HIVEP2: variants seen among roughly 807,000 people sequenced by gnomAD.
The protein encoded by HIVEP2 is HIVEP zinc finger 2.
HIVEP2 carries 14 observed loss-of-function variants against 180.7 expected under a neutral mutation model. The ratio of observed to expected loss-of-function variants is 0.08; its 90% CI spans 0.05 to 0.12. The LOEUF (loss-of-function observed/expected upper bound fraction) is 0.12, where lower values mean the gene tolerates loss of function less well. Ranked by LOEUF, HIVEP2 falls within the 10% of genes least tolerant of loss-of-function variation. The pLI, the probability that HIVEP2 is intolerant of heterozygous loss-of-function variation, is 1.00. For missense variants in HIVEP2, 2,579 were observed against 3,008.5 expected (o/e 0.86, Z 3.34); for synonymous variants, 1,184 against 1,136.4 (o/e 1.04, Z -0.84).
chr6:142,868,271 C>T (rs759693539), intron 1 of HIVEP2, among the ~76,000 whole-genome samples: 5 of 152,142 alleles, frequency 3.3e-5, no homozygotes, highest in East Asian at 1.9e-4. Flanking sequence ...ACTACAATAA[C>T]GGAACAAATA....
intron 1 of HIVEP2, among the ~76,000 whole-genome samples, chr6:142,883,395 T>C (rs998522732): frequency 1.3e-5 from 2 of 152,052 alleles, no homozygotes; most frequent in African/African-American, 2.4e-5. Context: ...TCAATTCAAA[T>C]AGTTCTTATA....
Position 142,761,669 on chromosome 6 carries a change from T to C in HIVEP2, c.5519-104A>G, listed in dbSNP as rs1401278804. On this transcript the variant is annotated intron_variant, in intron 7 of 9. Transcript: ENST00000367603. ...TGTGAAATGAACTAATTTTATTAAA[T>C]TCATCATGTAACACAGATTTGTTTC... The C allele has an allele frequency of 3.6e-5, 27 of 749,566 alleles. 2 individuals carry two copies. The South Asian group carries it at 3.9e-4, about 11-fold the overall frequency. The allele number at this position is 749,566 out of a possible 1,614,324, so 46.4% of individuals were successfully genotyped here.
At chr6:142,807,528 G>A (rs1042092067) in intron 2 of HIVEP2, among the ~76,000 whole-genome samples, 1 of 152,160 alleles carries the variant, frequency 6.6e-6, no homozygotes, top group Non-Finnish European at 1.5e-5. Context: ...TATAATGAGT[G>A]TGATATTTCA....
In HIVEP2 at chr6:142,752,879, C is replaced by A; in HGVS notation, c.*228G>T. The A allele has an allele frequency of 2.1e-6, 1 of 471,704 alleles. No individual in the cohort carries two copies. Among genetic ancestry groups the A allele is most frequent in the East Asian group, 3.3e-5 (1 of 30,452 alleles). The allele number at this position is 471,704 out of a possible 1,614,324, so 29.2% of individuals were successfully genotyped here. ...TAAAGAAAAGGCACAAACATCTGTACAATTTTAAAAGTACCAGACCCAATA... is the reference window on the plus strand; with the variant it reads ...TAAAGAAAAGGCACAAACATCTGTAAAATTTTAAAAGTACCAGACCCAATA... On this transcript the variant is annotated 3_prime_UTR_variant, in exon 10 of 10. Coordinates refer to ENST00000367603, the MANE Select transcript of HIVEP2 (RefSeq NM_006734.4).
intron 1 of HIVEP2, among the ~76,000 whole-genome samples, chr6:142,933,138 G>A (rs890172792): frequency 6.6e-6 from 1 of 152,152 alleles, no homozygotes; most frequent in East Asian, 1.9e-4. Flanking sequence ...ATGGGAACAG[G>A]TTGCACTAAA....
In HIVEP2 at chr6:142,752,315, C is replaced by T. The variant is rs1774942164; in HGVS notation, c.*792G>A. 1 of 152,600 alleles carries T rather than the reference C, an allele frequency of 6.6e-6. No individual in the cohort carries two copies. Among genetic ancestry groups the T allele is most frequent in the Non-Finnish European group, 1.5e-5 (1 of 68,042 alleles). 9.5% of individuals were successfully genotyped at this position (152,600 alleles called of 1,614,324 possible). ...ACTGATTTATAAAGCTTTGAAAAAA[C>T]TCACAATAGCACATTGTTTACTTTA... On this transcript the variant is annotated 3_prime_UTR_variant, in exon 10 of 10. Coordinates refer to ENST00000367603, the MANE Select transcript of HIVEP2 (RefSeq NM_006734.4).
Position 142,769,673 on chromosome 6 carries a change from G to A in HIVEP2, c.5066C>T (p.Thr1689Ile). 5 of 1,614,196 alleles carry A rather than the reference G, an allele frequency of 3.1e-6. No individual in the cohort carries two copies. Among genetic ancestry groups the A allele is most frequent in the Non-Finnish European group, 4.2e-6 (5 of 1,180,034 alleles). The change falls in exon 5 of 10, where the codon ACC becomes ATC. Residue 1689 changes from threonine (T) to isoleucine (I), a missense_variant. Physicochemically the swap from Thr to Ile is moderately conservative, Grantham distance 89. Coordinates refer to ENST00000367603, the MANE Select transcript of HIVEP2 (RefSeq NM_006734.4). ...CTTGGACCTCAGAAGAGCCAGCGTGGTCTTGGTGTTCAATCCTGATGGGTT... is the reference window on the plus strand; with the variant it reads ...CTTGGACCTCAGAAGAGCCAGCGTGATCTTGGTGTTCAATCCTGATGGGTT... Reference protein sequence around the residue: ...NPNPSGLNTKTTLALLRSKQK... With the variant: ...NPNPSGLNTKITLALLRSKQK...
chr6:142,818,982 C>A, intron 2 of HIVEP2, among the ~76,000 whole-genome samples: 1 of 112,320 alleles, frequency 8.9e-6, no homozygotes. Context: ...GAAGGAAGGA[C>A]AGAAGAAAGG....
At chr6:142,882,079 C>A (rs1396337799) in intron 1 of HIVEP2, among the ~76,000 whole-genome samples, 4 of 152,160 alleles carry the variant, frequency 2.6e-5, no homozygotes, top group Non-Finnish European at 1.5e-5. Flanking sequence ...AGGTCAGAGC[C>A]TTTCAGCTCC....
chr6:142,756,385 C>A (rs1562494884), intron 9 of HIVEP2, among the ~76,000 whole-genome samples: 1 of 152,152 alleles, frequency 6.6e-6, no homozygotes, highest in African/African-American at 2.4e-5. Context: ...TGCTGACATG[C>A]CAGCAGGAGG....
rs945272058 is a variant in HIVEP2, at chr6:142,760,114, A to G, written c.6174T>C (p.Asn2058=). 1.2e-6 allele frequency: 2 copies of G among 1,614,024 alleles called. No homozygotes were observed. The highest frequency in any genetic ancestry group is 2.2e-5 in the East Asian group (1 of 44,890). The change falls in exon 9 of 10, where the codon AAT becomes AAC. Residue 2058 remains asparagine, a synonymous_variant. Transcript: ENST00000367603. ...TGGGTATCAGATACCTCTTTGGTGA[A>G]TTATCTCGACAGGGTGAAGAATCAT... ...PGYDSSPCRD[N]SPKRYLIPKG... is the part of the protein sequence containing the mutation.
At position 142,775,137 on chromosome 6, in the gene HIVEP2, G is replaced by T; in HGVS notation, c.-387-12C>A. On this transcript the variant is annotated splice_polypyrimidine_tract_variant and intron_variant, in intron 4 of 9. Transcript: ENST00000367603. ...TAAGATAAAATGATCTGAAGAAAAA[G>T]AAAATACAAAGAGATTGTCATAACA... is the stretch of plus-strand genomic sequence containing the variant. 1 of 892,748 alleles carries T rather than the reference G, an allele frequency of 1.1e-6. No homozygotes were observed. The allele number at this position is 892,748 out of a possible 1,614,324, so 55.3% of individuals were successfully genotyped here. A position where few individuals can be genotyped will look rare whatever the true frequency, so the allele number is the denominator to read the frequency against.
intron 1 of HIVEP2, among the ~76,000 whole-genome samples, chr6:142,861,935 A>C (rs1005645573): frequency 6.6e-6 from 1 of 152,188 alleles, no homozygotes; most frequent in East Asian, 1.9e-4. Flanking sequence ...AAGATGGGGG[A>C]AATAGCTTGA....
At chr6:142,909,637 T>C (rs1171247437) in intron 1 of HIVEP2, among the ~76,000 whole-genome samples, 1 of 152,204 alleles carries the variant, frequency 6.6e-6, no homozygotes, top group Non-Finnish European at 1.5e-5. Context: ...AGGGTCATTA[T>C]CATAAACATA....
chr6:142,792,844 A>C (rs943570258), intron 2 of HIVEP2, among the ~76,000 whole-genome samples: 2 of 152,156 alleles, frequency 1.3e-5, no homozygotes, highest in African/African-American at 4.8e-5. Flanking sequence ...AAAGCATGAA[A>C]ATTTTTCTGT....
At position 142,875,638 on chromosome 6, in the gene HIVEP2, G is replaced by A. The variant is rs182692344; in HGVS notation, c.-640-38591C>T. ...GGAGAGAGAGCCAGAAGTACTTACT[G>A]GATTAAATGTGAGTCTGGGAGGAAG... On this transcript the variant is annotated intron_variant, in intron 1 of 9. Coordinates refer to ENST00000367603, the MANE Select transcript of HIVEP2 (RefSeq NM_006734.4). Among the ~76,000 whole-genome samples the A allele has an allele frequency of 2.5e-3, 388 of 152,196 alleles. 2 individuals carry two copies. Among genetic ancestry groups the A allele is most frequent in the African/African-American group, 9.0e-3 (375 of 41,516 alleles).
At chr6:142,818,493 A>T (rs1776904469) in intron 2 of HIVEP2, among the ~76,000 whole-genome samples, 1 of 151,750 alleles carries the variant, frequency 6.6e-6, no homozygotes, top group Non-Finnish European at 1.5e-5. Flanking sequence ...CCTGGGCAAC[A>T]TTATGAAGCT....
At chr6:142,846,173 G>A (rs1425290683) in intron 1 of HIVEP2, among the ~76,000 whole-genome samples, 1 of 152,160 alleles carries the variant, frequency 6.6e-6, no homozygotes, top group Non-Finnish European at 1.5e-5. Context: ...TAGGACAATA[G>A]CAAACTGGGA....
Position 142,774,276 on chromosome 6 carries a change from T to C in HIVEP2, c.463A>G (p.Ile155Val), listed in dbSNP as rs760792267. ...CTATAAGCAGGGTTCAGACTTGAAA[T>C]CTTTTTTCTAGGATAACCACCACTG... ...GHSGGYPRKK[I>V]SSLNPAYSQY... The change falls in exon 5 of 10, where the codon ATT becomes GTT. Residue 155 changes from isoleucine to valine, a missense_variant. Ile to Val is a conservative substitution (Grantham distance 29). This residue lies in a region of HIVEP2 where 207 missense variants were observed against 210.1 expected (regional missense o/e 0.99). Coordinates refer to ENST00000367603, the MANE Select transcript of HIVEP2 (RefSeq NM_006734.4). The surrounding 1 kb of genome is among the most constrained non-coding windows in gnomAD (Gnocchi z 5.1). The C allele has an allele frequency of 6.2e-7, 1 of 1,614,180 alleles. No homozygotes were observed. The highest frequency in any genetic ancestry group is 8.5e-7 in the Non-Finnish European group (1 of 1,180,042).
Sources: gnomAD v4.1 joint callset for allele counts (sites outside exome capture counted in the v4.1 genomes callset) on GRCh38, gnomAD v4.1.1 for gene constraint, gnomAD v4.1.1 regional missense constraint, Gnocchi (gnomAD v3.1) non-coding constraint, MANE v1.5 for transcripts, NCBI Gene and HGNC (gene_info 2026-07-23, HGNC 2026-07-21) for gene names.